Variants in NCOA7 observed in about 807,000 individuals in gnomAD.
The protein encoded by NCOA7 is 140 kDa estrogen receptor-associated protein.
In NCOA7, 45 loss-of-function variants were observed where a neutral mutation model predicts 104.3. That is an observed-to-expected ratio of 0.43 (90% CI 0.34 to 0.55). The LOEUF (loss-of-function observed/expected upper bound fraction) is 0.55. Ranked by LOEUF, NCOA7 falls within the 20% of genes least tolerant of loss-of-function variation. The pLI, the probability that NCOA7 is intolerant of heterozygous loss-of-function variation, is 0.02. For missense variants in NCOA7, 1,041 were observed against 1,119.7 expected, an observed-to-expected ratio of 0.93 and a Z score of 1.00; for synonymous variants, 398 against 402.3, an observed-to-expected ratio of 0.99 and a Z score of 0.13.
chr6:125,802,890 A>T (rs1272425), intron 1 of NCOA7, among the ~76,000 whole-genome samples: 1 of 152,122 alleles, frequency 6.6e-6, no homozygotes, highest in Non-Finnish European at 1.5e-5. Context: ...GCACTTCTCC[A>T]TGCTGATTTA....
At chr6:125,820,305 C>T (rs1184978093) in intron 2 of NCOA7, among the ~76,000 whole-genome samples, 1 of 152,234 alleles carries the variant, frequency 6.6e-6, no homozygotes, top group Admixed American at 6.5e-5. Flanking sequence ...CAGTTCACTC[C>T]AGTGTATAAC....
In NCOA7 at chr6:125,892,765, C is replaced by T. The variant is rs150800410; in HGVS notation, c.2096+1955C>T. On this transcript the variant is annotated intron_variant, in intron 10 of 15. Transcript: ENST00000392477. ...ATAGTGTCCATTACTTGTTTACCTTCGGGTAGCAAATAACCTGGAATACTT... is the reference window on the plus strand; with the variant it reads ...ATAGTGTCCATTACTTGTTTACCTTTGGGTAGCAAATAACCTGGAATACTT... Among the ~76,000 whole-genome samples, 298 of 152,286 alleles carry T rather than the reference C, an allele frequency of 2.0e-3. 1 individual carries two copies. Among genetic ancestry groups the T allele is most frequent in the Admixed American group, 4.1e-3 (62 of 15,280 alleles).
intron 2 of NCOA7, among the ~76,000 whole-genome samples, chr6:125,825,550 G>A (rs1778592794): frequency 1.3e-5 from 2 of 152,174 alleles, no homozygotes; most frequent in South Asian, 4.1e-4. Context: ...GAAGAGCTTT[G>A]GTTTTAGAAG....
At position 125,890,670 on chromosome 6, in the gene NCOA7, C is replaced by A; in HGVS notation, c.1956C>A (p.Ser652Arg). ...TACTTCCTTCAAAAGAAGAAAAAAG[C>A]AAGACCCCACCCATGTTCCTGTGCA... ...EDILPSKEEK[S>R]KTPPMFLCIK... Residue 652 changes from serine to arginine, a missense_variant, in exon 10 of 16, where the codon AGC becomes AGA. This residue lies in a region of NCOA7 where 914 missense variants were observed against 942.7 expected (regional missense o/e 0.97). Coordinates refer to ENST00000392477, the MANE Select transcript of NCOA7 (RefSeq NM_181782.5). 1 of 1,612,388 alleles carries A rather than the reference C, an allele frequency of 6.2e-7. No homozygotes were observed. Among genetic ancestry groups the A allele is most frequent in the Non-Finnish European group, 8.5e-7 (1 of 1,179,340 alleles).
upstream of NCOA7, among the ~76,000 whole-genome samples, chr6:125,788,698 A>ATT (rs60048395): frequency 6.9e-4 from 84 of 121,884 alleles, 1 homozygote; most frequent in African/African-American, 2.3e-3. Flanking sequence ...CACCCAGCTA[A>ATT]TTTTTTTTTT....
At chr6:125,908,165 C>A (rs1298469727) in intron 10 of NCOA7, among the ~76,000 whole-genome samples, 3 of 152,210 alleles carry the variant, frequency 2.0e-5, no homozygotes, top group Non-Finnish European at 4.4e-5. Flanking sequence ...CTGGTCACCC[C>A]AGATTCCTGT....
At position 125,878,306 on chromosome 6, in the gene NCOA7, A is replaced by G. The variant is rs765933623; in HGVS notation, c.395A>G (p.Asn132Ser). The G allele has an allele frequency of 5.6e-5, 91 of 1,612,850 alleles. No individual in the cohort carries two copies. Among genetic ancestry groups the G allele is most frequent in the Non-Finnish European group, 7.5e-5 (89 of 1,179,504 alleles). The change falls in exon 5 of 16, where the codon AAC becomes AGC. Residue 132 changes from asparagine (N) to serine (S), a missense_variant. Coordinates refer to ENST00000392477, the MANE Select transcript of NCOA7 (RefSeq NM_181782.5). ...DTLNSIALKF[N>S]ITPNKLVELN... ...CTAAACTCCATAGCACTGAAATTTA[A>G]CATCACTCCCAATAAATTGGTGGAA...
intron 10 of NCOA7, among the ~76,000 whole-genome samples, chr6:125,896,876 G>A (rs1029729221): frequency 3.3e-5 from 5 of 152,150 alleles, no homozygotes; most frequent in African/African-American, 1.2e-4. Context: ...CTAAAGTGCT[G>A]TTTCTCTAAT....
chr6:125,814,702 G>T (rs1260925), intron 1 of NCOA7, among the ~76,000 whole-genome samples: 9,642 of 152,194 alleles, frequency 0.063, 989 homozygotes, highest in African/African-American at 0.22. Flanking sequence ...GGGTCGCAGG[G>T]GTGGAGAAGA....
At chr6:125,926,629 A>G (rs1178193882) in intron 13 of NCOA7, among the ~76,000 whole-genome samples, 1 of 152,152 alleles carries the variant, frequency 6.6e-6, no homozygotes, top group African/African-American at 2.4e-5. Flanking sequence ...GAAGTATGAA[A>G]AATACTGGTT....
chr6:125,927,202 A>G (rs1309030928), intron 13 of NCOA7, among the ~76,000 whole-genome samples: 1 of 152,228 alleles, frequency 6.6e-6, no homozygotes, highest in African/African-American at 2.4e-5. Flanking sequence ...AGGAAAGTTT[A>G]TTTTCTCTGG....
intron 5 of NCOA7, among the ~76,000 whole-genome samples, chr6:125,880,056 A>G (rs147660561): frequency 6.6e-6 from 1 of 152,344 alleles, no homozygotes; most frequent in African/African-American, 2.4e-5. Flanking sequence ...AGCATGTCTC[A>G]TTAAAAGAAT....
At chr6:125,818,874 A>G (rs1777854617) in intron 2 of NCOA7, 2 of 152,428 alleles carry the variant, frequency 1.3e-5, no homozygotes, top group African/African-American at 4.8e-5. Context: ...AGGGCAGTCC[A>G]AGCAAGATCT....
chr6:125,927,565 A>G, intron 13 of NCOA7, 98 bp from the exon 14 acceptor site: 1 of 879,034 alleles, frequency 1.1e-6, no homozygotes, highest in East Asian at 2.5e-5. Context: ...CTTTGCTGAA[A>G]TAGATCTCAG....
At chr6:125,892,228 GT>G (rs1784674146) in intron 10 of NCOA7, among the ~76,000 whole-genome samples, 1 of 151,916 alleles carries the variant, frequency 6.6e-6, no homozygotes, top group African/African-American at 2.4e-5. Flanking sequence ...AGACAATTGT[GT>G]TTTTTTCAAT....
chr6:125,849,387 A>C (rs1411454002), intron 2 of NCOA7, among the ~76,000 whole-genome samples: 3 of 152,224 alleles, frequency 2.0e-5, no homozygotes, highest in Non-Finnish European at 2.9e-5. Context: ...TATAAATAAG[A>C]AGCTCGCAAT....
chr6:125,854,874 A>G (rs1240559727), intron 2 of NCOA7, 146 bp from the exon 3 acceptor site: 2 of 593,160 alleles, frequency 3.4e-6, no homozygotes, highest in South Asian at 2.2e-5. Flanking sequence ...AGAAAAAAGA[A>G]CAATACATGT....
chr6:125,832,754 C>T (rs1282594715), intron 2 of NCOA7, among the ~76,000 whole-genome samples: 1 of 152,180 alleles, frequency 6.6e-6, no homozygotes, highest in Non-Finnish European at 1.5e-5. Context: ...AAACTCAGCA[C>T]CAAGCTTAGC....
chr6:125,861,421 A>G (rs1782040846), intron 3 of NCOA7, among the ~76,000 whole-genome samples: 1 of 152,236 alleles, frequency 6.6e-6, no homozygotes, highest in African/African-American at 2.4e-5. Context: ...GTCAAGCCAC[A>G]AATGTCTAAT....
Sources: allele counts gnomAD v4.1 joint callset (sites outside exome capture counted in the v4.1 genomes callset), GRCh38; gene constraint gnomAD v4.1.1; regional missense constraint gnomAD v4.1.1; transcripts MANE v1.5; gene names NCBI Gene and HGNC (gene_info 2026-07-23, HGNC 2026-07-21).